DLGAP2: variants seen among roughly 807,000 people sequenced by gnomAD.
The protein encoded by DLGAP2 is disks large-associated protein 2.
Under a neutral mutation model 100.3 loss-of-function variants are expected in DLGAP2, and 26 were observed. That is an observed-to-expected ratio of 0.26 (90% confidence interval 0.19 to 0.36). DLGAP2 has a LOEUF of 0.36. Ranked by LOEUF, DLGAP2 falls within the 10% of genes least tolerant of loss-of-function variation. The pLI is 1.00. For synonymous variants in DLGAP2, 886 were observed against 630.1 expected, an observed-to-expected ratio of 1.41 and a Z score of -6.08; for missense variants, 1,858 against 1,453.2, an observed-to-expected ratio of 1.28 and a Z score of -4.53.
intron 13 of DLGAP2, among the ~76,000 whole-genome samples, chr8:1,696,646 G>C (rs1247268794): frequency 6.6e-6 from 1 of 152,224 alleles, no homozygotes; most frequent in Admixed American, 6.5e-5. Context: ...GGCGCCGGTT[G>C]GTGAGAGCAT....
intron 1 of DLGAP2, among the ~76,000 whole-genome samples, chr8:812,442 T>C (rs7012511): frequency 0.99 from 151,373 of 152,298 alleles, 75,238 homozygotes; most frequent in Middle Eastern, 1. Flanking sequence ...CTCTCAGCAT[T>C]GACTCAGGAG....
chr8:1,409,125 GCAGGCGCCCGGC>G (rs1289483687), intron 3 of DLGAP2, among the ~76,000 whole-genome samples: 5 of 88,842 alleles, frequency 5.6e-5, no homozygotes, highest in African/African-American at 2.0e-4. Flanking sequence ...GCTCACCATA[GCAGGCGCCCGGC>G]TCCCCTTGGA....
intron 3 of DLGAP2, among the ~76,000 whole-genome samples, chr8:1,324,550 G>A (rs1800977634): frequency 6.6e-6 from 1 of 152,136 alleles, no homozygotes; most frequent in Non-Finnish European, 1.5e-5. Context: ...ATGTAAAACT[G>A]TCCAGGACAC....
At chr8:1,425,869 C>T (rs140528520) in intron 3 of DLGAP2, among the ~76,000 whole-genome samples, 263 of 152,214 alleles carry the variant, frequency 1.7e-3, no homozygotes, top group African/African-American at 5.9e-3. Flanking sequence ...GCAGGGAATG[C>T]GGACTGGAGC....
rs537364329 is a variant in DLGAP2 at position 1,595,591 on chromosome 8, C to T, written c.1442+29697C>T. On this transcript the variant is annotated intron_variant, in intron 6 of 14. Transcript: ENST00000637795. ...CTGAGGCAGGAGAATGGCGTGAACC[C>T]GGGAAGCGGAGCTTGCAGTGAGCCG... Among the ~76,000 whole-genome samples, 16 of 147,430 alleles carry T rather than the reference C, an allele frequency of 1.1e-4. No individual in the cohort carries two copies. In the East Asian group the frequency reaches 2.4e-3, roughly 22 times the overall value.
At chr8:1,157,801 G>A (rs909300077) in intron 2 of DLGAP2, among the ~76,000 whole-genome samples, 3 of 152,210 alleles carry the variant, frequency 2.0e-5, no homozygotes, top group African/African-American at 4.8e-5. Context: ...GTCATCCTGG[G>A]ATCGGAGGGA....
At chr8:1,172,845 C>T (rs981173835) in intron 2 of DLGAP2, among the ~76,000 whole-genome samples, 1 of 151,882 alleles carries the variant, frequency 6.6e-6, no homozygotes, top group Non-Finnish European at 1.5e-5. Flanking sequence ...TCCTGTAGCT[C>T]GTAGTTTGAT....
chr8:1,157,163 TTC>T (rs1796807512), intron 2 of DLGAP2, among the ~76,000 whole-genome samples: 1 of 152,100 alleles, frequency 6.6e-6, no homozygotes, highest in South Asian at 2.1e-4. Flanking sequence ...CGGGGAAAAG[TTC>T]TCTCTCTTTA....
chr8:1,527,346 C>T (rs913348407), intron 4 of DLGAP2, among the ~76,000 whole-genome samples: 1 of 152,274 alleles, frequency 6.6e-6, no homozygotes, highest in Admixed American at 6.5e-5. Flanking sequence ...CGGGAGGGGC[C>T]ACCTGGCACA....
chr8:1,666,454 TCTGAGGTC>T (rs1310608121), intron 8 of DLGAP2, among the ~76,000 whole-genome samples: 8 of 152,072 alleles, frequency 5.3e-5, no homozygotes. Flanking sequence ...GGGTGGATCA[TCTGAGGTC>T]CTGAGGTCAG....
intron 12 of DLGAP2, chr8:1,680,620 G>C (rs1798921886): frequency 6.6e-6 from 1 of 152,264 alleles, no homozygotes; most frequent in South Asian, 2.1e-4. Context: ...CAGCACGGCT[G>C]CATGGGGCTG....
At chr8:842,268 C>T (rs188765331) in intron 1 of DLGAP2, among the ~76,000 whole-genome samples, 315 of 152,270 alleles carry the variant, frequency 2.1e-3, no homozygotes, top group Middle Eastern at 0.01. Context: ...ACTCCTTGAG[C>T]GATTGTACGT....
intron 1 of DLGAP2, among the ~76,000 whole-genome samples, chr8:906,728 G>A (rs768598100): frequency 6.6e-5 from 10 of 152,156 alleles, no homozygotes; most frequent in African/African-American, 1.7e-4. Flanking sequence ...GTCTCACCGC[G>A]GTTTGTTCTC....
intron 2 of DLGAP2, among the ~76,000 whole-genome samples, chr8:1,120,236 A>C (rs1309720461): frequency 6.6e-6 from 1 of 152,122 alleles, no homozygotes; most frequent in Non-Finnish European, 1.5e-5. Flanking sequence ...TCTGTGGCTC[A>C]CACCCAGACA....
At chr8:1,116,090 G>A (rs57748598) in intron 2 of DLGAP2, among the ~76,000 whole-genome samples, 7,671 of 152,258 alleles carry the variant, frequency 0.05, 283 homozygotes, top group African/African-American at 0.098. Context: ...CTGGGGGTGT[G>A]GGCCTGGTGG....
chr8:1,465,992 G>A (rs1213568418), intron 3 of DLGAP2, among the ~76,000 whole-genome samples: 1 of 152,190 alleles, frequency 6.6e-6, no homozygotes, highest in Non-Finnish European at 1.5e-5. Context: ...GACTCCCAAC[G>A]TTACAGCAGA....
intron 2 of DLGAP2, among the ~76,000 whole-genome samples, chr8:1,207,289 C>G (rs112960637): frequency 1.3e-5 from 2 of 152,276 alleles, no homozygotes; most frequent in African/African-American, 4.8e-5. Flanking sequence ...CCGTTGCATC[C>G]ACATAGCTTA....
chr8:1,523,856 C>G (rs947747281), intron 4 of DLGAP2, among the ~76,000 whole-genome samples: 2 of 152,208 alleles, frequency 1.3e-5, no homozygotes, highest in African/African-American at 4.8e-5. Flanking sequence ...TAAAACAGTT[C>G]AGCTTCAATT....
chr8:751,422 G>A (rs1036014812), intron 1 of DLGAP2, among the ~76,000 whole-genome samples: 2 of 152,232 alleles, frequency 1.3e-5, no homozygotes, highest in African/African-American at 2.4e-5. Flanking sequence ...GAGGTGTCGC[G>A]CCATCTGTCC....
Sources: gnomAD v4.1 joint callset for allele counts (sites outside exome capture counted in the v4.1 genomes callset) on GRCh38, gnomAD v4.1.1 for gene constraint, MANE v1.5 for transcripts, NCBI Gene and HGNC (gene_info 2026-07-23, HGNC 2026-07-21) for gene names.